The following SMAD3 variants were observed in gnomAD, a reference collection of about 807,000 sequenced individuals.
The protein encoded by SMAD3 is SMAD family member 3, also known as MAD homolog 3.
Under a neutral mutation model 51.8 loss-of-function variants are expected in SMAD3, and 12 were observed. The ratio of observed to expected loss-of-function variants is 0.23; its 90% CI spans 0.15 to 0.38. SMAD3 has a LOEUF of 0.38. Ranked by LOEUF, SMAD3 falls within the 10% of genes least tolerant of loss-of-function variation. The pLI is 1.00. For missense variants in SMAD3, 294 were observed against 565.6 expected (o/e 0.52, Z 4.87); for synonymous variants, 238 against 227.7 (o/e 1.05, Z -0.41).
At chr15:67,148,889 CATCCAGGATGCAGGCAA>C (rs1962050075) in intron 1 of SMAD3, among the ~76,000 whole-genome samples, 1 of 152,230 alleles carries the variant, frequency 6.6e-6, no homozygotes, top group Non-Finnish European at 1.5e-5. Flanking sequence ...CCCCTCGCTC[CATCCAGGATGCAGGCAA>C]AGTTAAGCTA....
intron 6 of SMAD3, among the ~76,000 whole-genome samples, chr15:67,182,872 T>C (rs770937868): frequency 1.3e-5 from 2 of 150,876 alleles, no homozygotes; most frequent in Non-Finnish European, 2.9e-5. Flanking sequence ...TCTTGCTATG[T>C]TGCCCAGGCC....
At chr15:67,155,136 GC>G (rs1266840214) in intron 1 of SMAD3, among the ~76,000 whole-genome samples, 3 of 152,220 alleles carry the variant, frequency 2.0e-5, no homozygotes, top group Non-Finnish European at 2.9e-5. Context: ...TCAAGGGTCA[GC>G]TGTCACAGTT....
In SMAD3 at chr15:67,190,577, T is replaced by C; in HGVS notation, c.*41T>C. 6.2e-7 allele frequency: 1 copy of C among 1,608,254 alleles called. No individual in the cohort carries two copies. Among genetic ancestry groups the C allele is most frequent in the Non-Finnish European group, 8.5e-7 (1 of 1,175,418 alleles). On this transcript the variant is annotated 3_prime_UTR_variant, in exon 9 of 9. Transcript: ENST00000327367. ...TAGGGGAGGGCAGGCTTGGGGAAAA[T>C]GGCCATGCAGGAGGTGGAGAAAATT...
At chr15:67,160,514 T>C (rs1962396370) in intron 1 of SMAD3, among the ~76,000 whole-genome samples, 1 of 152,196 alleles carries the variant, frequency 6.6e-6, no homozygotes, top group Admixed American at 6.5e-5. Flanking sequence ...GGCTCACGCC[T>C]GTAATCCCAG....
intron 1 of SMAD3, among the ~76,000 whole-genome samples, chr15:67,125,389 C>T (rs1024416305): frequency 3.9e-5 from 6 of 152,240 alleles, no homozygotes; most frequent in Non-Finnish European, 7.3e-5. Flanking sequence ...CCCCATAGGA[C>T]ATTTGCTTTC....
chr15:67,183,029 ATATTTTTTTTT>A (rs1400940676), intron 6 of SMAD3, among the ~76,000 whole-genome samples: 22 of 48,110 alleles, frequency 4.6e-4, no homozygotes, highest in African/African-American at 2.2e-3. Flanking sequence ...ATATATATAT[ATATTTTTTTTT>A]TTTTTTTTTT....
At chr15:67,079,658 ATT>A (rs1229868506) in intron 1 of SMAD3, among the ~76,000 whole-genome samples, 3 of 152,078 alleles carry the variant, frequency 2.0e-5, no homozygotes, top group Non-Finnish European at 2.9e-5. Flanking sequence ...CCTTGATCTT[ATT>A]TACTTACCTA....
chr15:67,156,362 GC>G (rs1962283379), intron 1 of SMAD3, among the ~76,000 whole-genome samples: 1 of 152,200 alleles, frequency 6.6e-6, no homozygotes. Flanking sequence ...CACATTTTAT[GC>G]AAATTGACTC....
intron 1 of SMAD3, among the ~76,000 whole-genome samples, chr15:67,139,094 A>T (rs1408062075): frequency 1.3e-5 from 2 of 152,224 alleles, no homozygotes; most frequent in East Asian, 3.9e-4. Context: ...GCTTGGGCAT[A>T]TCTGAGGCAG....
chr15:67,102,458 T>G (rs1028907629), intron 1 of SMAD3, among the ~76,000 whole-genome samples: 1 of 152,190 alleles, frequency 6.6e-6, no homozygotes, highest in Non-Finnish European at 1.5e-5. Context: ...AATGCAGCCC[T>G]TTAGAAAGTG....
intron 1 of SMAD3, among the ~76,000 whole-genome samples, chr15:67,136,769 C>T (rs941815856): frequency 6.6e-6 from 1 of 152,212 alleles, no homozygotes; most frequent in African/African-American, 2.4e-5. Context: ...TTGCTGACTG[C>T]CCTATTACCC....
chr15:67,187,237 A>C, intron 7 of SMAD3, 128 bp from the exon 8 acceptor site: 7 of 1,124,148 alleles, frequency 6.2e-6, no homozygotes, highest in Non-Finnish European at 9.4e-6. Flanking sequence ...AATGCATCAC[A>C]CACCATGTGT....
intron 1 of SMAD3, among the ~76,000 whole-genome samples, chr15:67,120,585 C>T (rs955081442): frequency 3.3e-5 from 5 of 152,096 alleles, no homozygotes; most frequent in Non-Finnish European, 5.9e-5. Flanking sequence ...GGGCTAGCTG[C>T]GAGGAGGGCA....
chr15:67,066,172 T>G lies in SMAD3; in HGVS notation c.18T>G (p.Pro6=), dbSNP rs191495317. The change falls in exon 1 of 9, where the codon CCT becomes CCG. Residue 6 remains proline, a synonymous_variant. Transcript: ENST00000327367. MSSIL[P]FTPPIVKRLL... The stretch of plus-strand genomic sequence containing the variant: ...CCCCAGCCATGTCGTCCATCCTGCC[T>G]TTCACTCCCCCGATCGTGAAGCGCC... The G allele has an allele frequency of 6.2e-7, 1 of 1,604,846 alleles. No individual in the cohort carries two copies. Among genetic ancestry groups the G allele is most frequent in the South Asian group, 1.1e-5 (1 of 89,526 alleles).
chr15:67,104,350 C>T (rs1530060), intron 1 of SMAD3, among the ~76,000 whole-genome samples: 113,773 of 152,142 alleles, frequency 0.75, 42,918 homozygotes, highest in East Asian at 0.99. Flanking sequence ...CAGGTTTGAT[C>T]GGGGAAGAGA....
At chr15:67,187,248 C>A in intron 7 of SMAD3, 117 bp from the exon 8 acceptor site, 1 of 1,210,906 alleles carries the variant, frequency 8.3e-7, no homozygotes, top group Non-Finnish European at 1.2e-6. Flanking sequence ...CACCATGTGT[C>A]CCTGGAGCTG....
At chr15:67,078,860 A>C (rs1254727337) in intron 1 of SMAD3, among the ~76,000 whole-genome samples, 1 of 152,222 alleles carries the variant, frequency 6.6e-6, no homozygotes, top group African/African-American at 2.4e-5. Flanking sequence ...GTAAAATGGG[A>C]AAAACAATGA....
intron 1 of SMAD3, among the ~76,000 whole-genome samples, chr15:67,113,076 G>GTCTGTATATA (rs763595789): frequency 2.9e-5 from 1 of 34,972 alleles, no homozygotes; most frequent in Non-Finnish European, 5.8e-5. Flanking sequence ...ATATATATGT[G>GTCTGTATATA]TATATATATA....
intron 1 of SMAD3, among the ~76,000 whole-genome samples, chr15:67,150,989 G>T (rs1331570687): frequency 6.7e-6 from 1 of 150,114 alleles, no homozygotes; most frequent in Non-Finnish European, 1.5e-5. Flanking sequence ...CCCAGTAGCT[G>T]GGATTACAGG....
Sources: allele counts gnomAD v4.1 joint callset (sites outside exome capture counted in the v4.1 genomes callset), GRCh38; gene constraint gnomAD v4.1.1; transcripts MANE v1.5; gene names NCBI Gene and HGNC (gene_info 2026-07-23, HGNC 2026-07-21).